TCF7L2: variants seen among roughly 807,000 people sequenced by gnomAD.
The protein encoded by TCF7L2 is transcription factor 7 like 2, also known as transcription factor 7-like 2.
Under a neutral mutation model 77.9 loss-of-function variants are expected in TCF7L2, and 23 were observed. The ratio of observed to expected loss-of-function variants is 0.30; its 90% CI spans 0.21 to 0.42. The LOEUF (loss-of-function observed/expected upper bound fraction) is 0.42. TCF7L2 is among the 10% of genes least tolerant of loss of function. The pLI is 1.00. For missense variants in TCF7L2, 654 were observed against 793.1 expected, an observed-to-expected ratio of 0.82 and a Z score of 2.11; for synonymous variants, 413 against 340.2, an observed-to-expected ratio of 1.21 and a Z score of -2.36.
At chr10:113,074,390 T>G (rs1280810669) in intron 5 of TCF7L2, among the ~76,000 whole-genome samples, 2 of 152,168 alleles carry the variant, frequency 1.3e-5, no homozygotes, top group African/African-American at 2.4e-5. Context: ...ACTAAAGCTG[T>G]GTGATTTTAA....
intron 11 of TCF7L2, among the ~76,000 whole-genome samples, chr10:113,153,586 G>A (rs1388584852): frequency 6.6e-6 from 1 of 152,170 alleles, no homozygotes; most frequent in Non-Finnish European, 1.5e-5. Flanking sequence ...AGGCTTCTGT[G>A]GCAGGGGCTG....
intron 5 of TCF7L2, among the ~76,000 whole-genome samples, chr10:113,093,192 A>G (rs919276040): frequency 6.6e-6 from 1 of 152,152 alleles, no homozygotes; most frequent in Non-Finnish European, 1.5e-5. Context: ...ACTACCTCCT[A>G]TATTAACTTT....
chr10:113,014,148 C>T (rs2046936406), intron 4 of TCF7L2, among the ~76,000 whole-genome samples: 1 of 152,228 alleles, frequency 6.6e-6, no homozygotes, highest in Non-Finnish European at 1.5e-5. Context: ...GGTGGTTAGA[C>T]AGGGAATGGG....
chr10:113,081,273 C>G (rs954203556), intron 5 of TCF7L2, among the ~76,000 whole-genome samples: 3 of 152,250 alleles, frequency 2.0e-5, no homozygotes, highest in African/African-American at 7.2e-5. Context: ...CCCCGTGATT[C>G]TGCCCAGTAA....
At chr10:113,161,177 T>G in intron 13 of TCF7L2, 1 of 233,810 alleles carries the variant, frequency 4.3e-6, no homozygotes, top group Non-Finnish European at 8.2e-6. Flanking sequence ...TTTTGGTTGT[T>G]TTATGTTTAA....
intron 5 of TCF7L2, among the ~76,000 whole-genome samples, chr10:113,089,762 G>A (rs574566044): frequency 1.2e-4 from 18 of 152,254 alleles, no homozygotes; most frequent in Non-Finnish European, 2.4e-4. Context: ...GTGGAGGGTG[G>A]TGCTCGCATG....
At chr10:113,121,061 G>A (rs773467671) in intron 5 of TCF7L2, among the ~76,000 whole-genome samples, 5 of 152,122 alleles carry the variant, frequency 3.3e-5, no homozygotes, top group Admixed American at 1.3e-4. Context: ...CTATCCCTTC[G>A]CAAAATGGGG....
At chr10:113,077,768 C>T (rs1179055864) in intron 5 of TCF7L2, among the ~76,000 whole-genome samples, 3 of 148,162 alleles carry the variant, frequency 2.0e-5, no homozygotes, top group Non-Finnish European at 3.0e-5. Context: ...TGGCATATCT[C>T]GGCTCACTGC....
At chr10:113,153,931 C>G (rs1010501143) in intron 11 of TCF7L2, among the ~76,000 whole-genome samples, 2 of 152,232 alleles carry the variant, frequency 1.3e-5, no homozygotes, top group African/African-American at 4.8e-5. Context: ...GATGAGGGAA[C>G]AGGGAGGTGC....
At chr10:112,996,750 C>T (rs1355062133) in intron 4 of TCF7L2, among the ~76,000 whole-genome samples, 2 of 152,200 alleles carry the variant, frequency 1.3e-5, no homozygotes, top group East Asian at 3.9e-4. Context: ...TGGTTTCCTT[C>T]AACCTCCACT....
chr10:113,039,196 G>C (rs1474426529), intron 4 of TCF7L2, among the ~76,000 whole-genome samples: 1 of 152,160 alleles, frequency 6.6e-6, no homozygotes, highest in East Asian at 1.9e-4. Context: ...ATTTTACCTT[G>C]TCTGCAAAAT....
chr10:112,959,400 G>A (rs749355616), intron 3 of TCF7L2, among the ~76,000 whole-genome samples: 4 of 152,216 alleles, frequency 2.6e-5, no homozygotes, highest in African/African-American at 9.6e-5. Flanking sequence ...ACTCATAGCT[G>A]ATGGTTTCAG....
At chr10:113,118,206 A>T (rs935126735) in intron 5 of TCF7L2, among the ~76,000 whole-genome samples, 3 of 152,076 alleles carry the variant, frequency 2.0e-5, no homozygotes, top group African/African-American at 7.2e-5. Flanking sequence ...AGAAAAAGTC[A>T]ATTAAAAGCA....
At chr10:113,027,066 C>G (rs1016720675) in intron 4 of TCF7L2, among the ~76,000 whole-genome samples, 39 of 152,278 alleles carry the variant, frequency 2.6e-4, no homozygotes, top group Non-Finnish European at 3.4e-4. Flanking sequence ...CAGCCCTGGC[C>G]TTAAACATGA....
At chr10:113,107,524 A>C (rs1483094399) in intron 5 of TCF7L2, among the ~76,000 whole-genome samples, 1 of 151,476 alleles carries the variant, frequency 6.6e-6, no homozygotes, top group Non-Finnish European at 1.5e-5. Flanking sequence ...CGGGTGGATC[A>C]CGAGGTCAGG....
At chr10:113,159,736 T>C (rs2072730656) in intron 12 of TCF7L2, among the ~76,000 whole-genome samples, 184 bp from the exon 14 acceptor site, 1 of 151,992 alleles carries the variant, frequency 6.6e-6, no homozygotes, top group Admixed American at 6.6e-5. Flanking sequence ...TAAAGAAAGT[T>C]AAAAAACGAA....
chr10:113,151,242 T>G lies in TCF7L2; in HGVS notation c.1001+119T>G. 7.3e-7 allele frequency: 1 copy of G among 1,372,668 alleles called. No individual in the cohort carries two copies. The highest frequency in any genetic ancestry group is 1.3e-5 in the South Asian group (1 of 76,742). The allele number at this position is 1,372,668 out of a possible 1,614,324, so 85.0% of individuals were successfully genotyped here. On this transcript the variant is annotated intron_variant, in intron 9 of 13. Transcript: ENST00000627217. The surrounding 1 kb of genome is among the most constrained non-coding windows in gnomAD (Gnocchi z 5.2). The stretch of plus-strand genomic sequence containing the variant: ...CCTCGTTTGGTTTGACTGCAGCCAA[T>G]ACCCAGCCTGTGTGGGCTCTTCACT...
chr10:113,113,972 A>G (rs572183910), intron 5 of TCF7L2, among the ~76,000 whole-genome samples: 1 of 152,312 alleles, frequency 6.6e-6, no homozygotes, highest in East Asian at 1.9e-4. Flanking sequence ...TCGTTGGACT[A>G]TCAGTTGTTA....
intron 4 of TCF7L2, among the ~76,000 whole-genome samples, chr10:112,969,743 C>T (rs990458822): frequency 6.6e-6 from 1 of 152,232 alleles, no homozygotes; most frequent in African/African-American, 2.4e-5. Context: ...CTCCTAGGAA[C>T]TCCTCCCACT....
Sources: allele counts gnomAD v4.1 joint callset (sites outside exome capture counted in the v4.1 genomes callset), GRCh38; gene constraint gnomAD v4.1.1; non-coding constraint Gnocchi (gnomAD v3.1); transcripts MANE v1.5; gene names NCBI Gene and HGNC (gene_info 2026-07-23, HGNC 2026-07-21).